Variants in SLC25A36 observed in about 807,000 individuals in gnomAD.
The protein encoded by SLC25A36 is solute carrier family 25 member 36, also known as epididymis secretory sperm binding protein.
In SLC25A36, 24 loss-of-function variants were observed where a neutral mutation model predicts 35.3. The observed-to-expected ratio is 0.68, with a 90% CI of 0.49 to 0.96. SLC25A36 has a LOEUF of 0.96. SLC25A36 is among the 40% of genes least tolerant of loss of function. The probability of loss-of-function intolerance (pLI) is 0.00; values close to 1 mark genes in which losing one functional copy is unlikely to be tolerated. For synonymous variants in SLC25A36, 141 were observed against 132.2 expected, an observed-to-expected ratio of 1.07 and a Z score of -0.46; for missense variants, 294 against 381.1, an observed-to-expected ratio of 0.77 and a Z score of 1.90.
At chr3:140,958,500 A>G (rs745463823) in intron 2 of SLC25A36, among the ~76,000 whole-genome samples, 2 of 152,166 alleles carry the variant, frequency 1.3e-5, no homozygotes, top group Non-Finnish European at 2.9e-5. Flanking sequence ...TCTTTTTTCT[A>G]TCTACTTACT....
In SLC25A36 at chr3:140,941,960, C is replaced by T; in HGVS notation, c.-95C>T. On this transcript the variant is annotated 5_prime_UTR_variant, in exon 1 of 7. Transcript: ENST00000324194. ...AGCTCTCCTCGCCGTCCCCGGGGCG[C>T]TGTGCGTCTCCAGTCCGGGACCGAA... 1.5e-6 allele frequency: 1 copy of T among 683,690 alleles called. No individual in the cohort carries two copies. Among genetic ancestry groups the T allele is most frequent in the Non-Finnish European group, 2.5e-6 (1 of 406,974 alleles). 42.4% of individuals were successfully genotyped at this position (683,690 alleles called of 1,614,324 possible). A position where few individuals can be genotyped will look rare whatever the true frequency, so the allele number is the denominator to read the frequency against.
At chr3:140,966,798 A>G in intron 4 of SLC25A36, 3 of 386,926 alleles carry the variant, frequency 7.8e-6, no homozygotes, top group Non-Finnish European at 1.6e-5. Flanking sequence ...CTTTTTTTTA[A>G]CTTAAAATTT....
chr3:140,959,025 T>C (rs1934561753), intron 2 of SLC25A36, among the ~76,000 whole-genome samples: 1 of 147,822 alleles, frequency 6.8e-6, no homozygotes, highest in African/African-American at 2.5e-5. Context: ...TTTTCTTTTT[T>C]TTTTTTTTGG....
chr3:140,967,696 G>A (rs1011525183), intron 4 of SLC25A36, among the ~76,000 whole-genome samples: 4 of 151,806 alleles, frequency 2.6e-5, no homozygotes, highest in African/African-American at 9.7e-5. Flanking sequence ...TTAATTGCTC[G>A]ACACTATCAA....
chr3:140,970,915 A>T lies in SLC25A36; in HGVS notation c.386-12A>T. Reference sequence around the variant, plus strand: ...ATTTTTACCAGAGTTCATTTTAAACATGTTTGTTTAGGTTTTACTGCAATC... The same window carrying T: ...ATTTTTACCAGAGTTCATTTTAAACTTGTTTGTTTAGGTTTTACTGCAATC... On this transcript the variant is annotated splice_polypyrimidine_tract_variant and intron_variant, in intron 4 of 6. Transcript: ENST00000324194. The T allele has an allele frequency of 7.4e-7, 1 of 1,347,766 alleles. No individual in the cohort carries two copies. The highest frequency in any genetic ancestry group is 2.3e-5 in the East Asian group (1 of 43,436). The allele number at this position is 1,347,766 out of a possible 1,614,324, so 83.5% of individuals were successfully genotyped here.
intron 1 of SLC25A36, among the ~76,000 whole-genome samples, chr3:140,949,498 T>A (rs1399131909): frequency 6.6e-6 from 1 of 152,202 alleles, no homozygotes; most frequent in East Asian, 1.9e-4. Flanking sequence ...ATTATTTGAC[T>A]CACCAAGCGA....
intron 4 of SLC25A36, among the ~76,000 whole-genome samples, chr3:140,969,170 G>A: frequency 6.6e-6 from 1 of 151,884 alleles, no homozygotes; most frequent in East Asian, 1.9e-4. Flanking sequence ...GTAGAAAAAT[G>A]AGGTTCAAAA....
intron 6 of SLC25A36, among the ~76,000 whole-genome samples, chr3:140,974,261 C>T (rs1256703523): frequency 6.6e-6 from 1 of 151,926 alleles, no homozygotes; most frequent in Non-Finnish European, 1.5e-5. Flanking sequence ...AGCTTGGTGA[C>T]TTTTGGGCAA....
chr3:140,980,675 G>T lies in SLC25A36; in HGVS notation c.*4222G>T. Among the ~76,000 whole-genome samples, 1 of 144,244 alleles carries T rather than the reference G, an allele frequency of 6.9e-6. No individual in the cohort carries two copies. The allele number at this position is 144,244 out of a possible 152,430, so 94.6% of individuals were successfully genotyped here. ...CTGATAAAACTCAGGCAAGCAAAAT[G>T]TAATTAAATGTTCCCCCTGCCCCCC... On this transcript the variant is annotated 3_prime_UTR_variant, in exon 7 of 7. Coordinates refer to ENST00000324194, the MANE Select transcript of SLC25A36 (RefSeq NM_001104647.3).
At chr3:140,962,972 T>A (rs1013562244) in intron 3 of SLC25A36, among the ~76,000 whole-genome samples, 155 bp from the exon 4 acceptor site, 1 of 151,974 alleles carries the variant, frequency 6.6e-6, no homozygotes, top group Non-Finnish European at 1.5e-5. Flanking sequence ...TACTTCAGAG[T>A]ATTTATGAAA....
intron 1 of SLC25A36, among the ~76,000 whole-genome samples, chr3:140,950,402 T>G (rs1197736017): frequency 6.6e-6 from 1 of 152,208 alleles, no homozygotes. Context: ...TCCCACTGAA[T>G]TCTGTCATCC....
At chr3:140,964,260 C>T (rs1009515745) in intron 4 of SLC25A36, 4 of 151,876 alleles carry the variant, frequency 2.6e-5, no homozygotes, top group Admixed American at 2.6e-4. Flanking sequence ...TATCGTATTA[C>T]AAATTGTTTT....
chr3:140,963,020 CTT>C, intron 3 of SLC25A36, 105 bp from the exon 4 acceptor site: 1 of 637,614 alleles, frequency 1.6e-6, no homozygotes, highest in Admixed American at 3.7e-5. Flanking sequence ...GTGGCTAGGA[CTT>C]TATGGTTTTT....
At chr3:140,968,791 G>A in intron 4 of SLC25A36, 3 of 653,336 alleles carry the variant, frequency 4.6e-6, no homozygotes, top group South Asian at 6.9e-5. Context: ...AAAAAACTTA[G>A]GTGCTCATCT....
In SLC25A36 at chr3:140,976,629, G is replaced by A. The variant is rs1168008012; in HGVS notation, c.*176G>A. ...TCACACCACATTACTTGGCCTTTCG[G>A]TAATGTGAAAAAAAAAAAAAACCTC... is the stretch of plus-strand genomic sequence containing the variant. On this transcript the variant is annotated 3_prime_UTR_variant, in exon 7 of 7. Coordinates refer to ENST00000324194, the MANE Select transcript of SLC25A36 (RefSeq NM_001104647.3). The A allele has an allele frequency of 1.3e-5, 3 of 239,184 alleles. No individual in the cohort carries two copies. The highest frequency in any genetic ancestry group is 2.0e-5 in the Non-Finnish European group (3 of 151,686). 14.8% of individuals were successfully genotyped at this position (239,184 alleles called of 1,614,324 possible). A position where few individuals can be genotyped will look rare whatever the true frequency, so the allele number is the denominator to read the frequency against.
In SLC25A36 at chr3:140,956,867, CAGATA is replaced by C. The variant is rs200293476; in HGVS notation, c.206+183_206+187del. 986 of 1,063,196 alleles carry C rather than the reference CAGATA, an allele frequency of 9.3e-4. 6 individuals are homozygous for C. In the African/African-American group the frequency reaches 0.014, roughly 15 times the overall value. The allele number at this position is 1,063,196 out of a possible 1,614,324, so 65.9% of individuals were successfully genotyped here. On this transcript the variant is annotated intron_variant, in intron 2 of 6. Coordinates refer to ENST00000324194, the MANE Select transcript of SLC25A36 (RefSeq NM_001104647.3). Reference sequence around the variant, plus strand: ...TCCCTAATGGAGAAGAACAGTTAGACAGATAAGATAAAGTGTAATTTTACTTCCAA... The same window carrying C: ...TCCCTAATGGAGAAGAACAGTTAGACAGATAAAGTGTAATTTTACTTCCAA...
intron 4 of SLC25A36, chr3:140,968,692 CT>C: frequency 1.0e-6 from 1 of 981,918 alleles, no homozygotes; most frequent in Non-Finnish European, 1.2e-6. Flanking sequence ...GCCTCAAATT[CT>C]TTTGTGACTT....
chr3:140,961,673 G>C (rs1433776926), intron 3 of SLC25A36, among the ~76,000 whole-genome samples: 3 of 151,740 alleles, frequency 2.0e-5, no homozygotes, highest in African/African-American at 7.3e-5. Flanking sequence ...GGCTAACACA[G>C]TGAAACCCCA....
At chr3:140,949,275 A>G (rs1410504874) in intron 1 of SLC25A36, among the ~76,000 whole-genome samples, 4 of 152,220 alleles carry the variant, frequency 2.6e-5, no homozygotes, top group African/African-American at 9.6e-5. Flanking sequence ...TTAGACAGTT[A>G]AACTCTAAAA....
Sources: gnomAD v4.1 joint callset for allele counts (sites outside exome capture counted in the v4.1 genomes callset) on GRCh38, gnomAD v4.1.1 for gene constraint, MANE v1.5 for transcripts, NCBI Gene and HGNC (gene_info 2026-07-23, HGNC 2026-07-21) for gene names.